The following FANCA variants were observed in gnomAD, a reference collection of about 807,000 sequenced individuals.
FANCA encodes FA complementation group A, also known as Fanconi anemia group A protein.
FANCA carries 236 observed loss-of-function variants against 194.3 expected under a neutral mutation model. The observed-to-expected ratio is 1.21, with a 90% CI of 1.09 to 1.35. The LOEUF (loss-of-function observed/expected upper bound fraction) is 1.35. Ranked by LOEUF, FANCA falls within the 40% of genes most tolerant of loss-of-function variation. The probability of loss-of-function intolerance (pLI) is 0.00; values close to 1 mark genes in which losing one functional copy is unlikely to be tolerated. For synonymous variants in FANCA, 1,014 were observed against 715.8 expected (o/e 1.42, Z -6.65); for missense variants, 2,628 against 1,813.9 (o/e 1.45, Z -8.15).
chr16:89,755,191 G>C (rs2038727023), intron 30 of FANCA, among the ~76,000 whole-genome samples: 1 of 151,942 alleles, frequency 6.6e-6, no homozygotes, highest in African/African-American at 2.4e-5. Context: ...ACAGAATAAA[G>C]CTGGATGACC....
rs2039737175 is a variant in FANCA, at chr16:89,782,168, G to A, written c.1626+691C>T. 2.0e-5 allele frequency among the ~76,000 whole-genome samples: 3 copies of A among 151,360 alleles called. No homozygotes were observed. In the South Asian group the frequency reaches 6.2e-4, roughly 32 times the overall value. On this transcript the variant is annotated intron_variant, in intron 17 of 42. Coordinates refer to ENST00000389301, the MANE Select transcript of FANCA (RefSeq NM_000135.4). ...AGGCGGGCAGATCACGAGGTCAAGAGATCGAGATCATCCTGGCTAACACGG... is the reference window on the plus strand; with the variant it reads ...AGGCGGGCAGATCACGAGGTCAAGAAATCGAGATCATCCTGGCTAACACGG...
chr16:89,804,879 A>G (rs924924380), intron 7 of FANCA, among the ~76,000 whole-genome samples: 6 of 151,248 alleles, frequency 4.0e-5, no homozygotes, highest in Middle Eastern at 3.4e-3. Context: ...TAAAAATACA[A>G]AAAAAAAATT....
At chr16:89,758,397 G>T (rs1246117934) in intron 30 of FANCA, among the ~76,000 whole-genome samples, 180 bp downstream of exon 30, 1 of 152,178 alleles carries the variant, frequency 6.6e-6, no homozygotes, top group Non-Finnish European at 1.5e-5. Flanking sequence ...GCAAAGCATT[G>T]ATCCTGAGTG....
chr16:89,807,670 G>A (rs975132557), intron 6 of FANCA, among the ~76,000 whole-genome samples: 6 of 150,912 alleles, frequency 4.0e-5, no homozygotes, highest in Non-Finnish European at 8.9e-5. Flanking sequence ...AGATCCTGAA[G>A]TCAGGAGATG....
At chr16:89,752,542 T>G (rs1468289139) in intron 30 of FANCA, among the ~76,000 whole-genome samples, 1 of 152,248 alleles carries the variant, frequency 6.6e-6, no homozygotes, top group Non-Finnish European at 1.5e-5. Flanking sequence ...AGAATAGTTA[T>G]ACCAGATATA....
Position 89,748,640 on chromosome 16 carries a change from G to T in FANCA, c.3348+19C>A. 1 of 1,591,288 alleles carries T rather than the reference G, an allele frequency of 6.3e-7. No individual in the cohort carries two copies. The highest frequency in any genetic ancestry group is 8.6e-7 in the Non-Finnish European group (1 of 1,159,450). ...AGGCACTGACAGATCGGACGGACAC[G>T]TGCACACGGGGCACCTACCATCTCA... On this transcript the variant is annotated intron_variant, in intron 33 of 42. Transcript: ENST00000389301.
At chr16:89,796,697 G>C (rs140628310) in intron 10 of FANCA, among the ~76,000 whole-genome samples, 1 of 152,182 alleles carries the variant, frequency 6.6e-6, no homozygotes, top group African/African-American at 2.4e-5. Context: ...CAACCAGCAA[G>C]CGGCACTTTA....
chr16:89,794,162 T>C (rs1436154705), intron 11 of FANCA, among the ~76,000 whole-genome samples: 3 of 152,240 alleles, frequency 2.0e-5, no homozygotes, highest in African/African-American at 7.2e-5. Flanking sequence ...TCATCAATTC[T>C]GTTTCTCAGG....
intron 36 of FANCA, 36 bp from the exon 37 acceptor site, chr16:89,742,974 A>T: frequency 1.2e-6 from 2 of 1,600,014 alleles, no homozygotes; most frequent in Non-Finnish European, 1.7e-6. Flanking sequence ...GCAGGGCCTT[A>T]CAACCATACA....
chr16:89,807,750 G>T (rs939983399), intron 6 of FANCA, among the ~76,000 whole-genome samples: 1 of 152,130 alleles, frequency 6.6e-6, no homozygotes, highest in Non-Finnish European at 1.5e-5. Flanking sequence ...AGGCGTGGTG[G>T]CGGACGCCTG....
intron 26 of FANCA, among the ~76,000 whole-genome samples, chr16:89,769,469 C>G (rs2039246164): frequency 6.6e-6 from 1 of 152,208 alleles, no homozygotes; most frequent in Admixed American, 6.5e-5. Flanking sequence ...AGCTACTCAC[C>G]ATGGGGTGCC....
chr16:89,792,901 G>T (rs1002050847), intron 11 of FANCA, among the ~76,000 whole-genome samples: 3 of 152,170 alleles, frequency 2.0e-5, no homozygotes, highest in Non-Finnish European at 4.4e-5. Flanking sequence ...GGCAGAGAGG[G>T]AGAGGAGATA....
At chr16:89,787,811 C>A (rs1046515379) in intron 14 of FANCA, among the ~76,000 whole-genome samples, 1 of 151,968 alleles carries the variant, frequency 6.6e-6, no homozygotes, top group Non-Finnish European at 1.5e-5. Context: ...ATATTAATTA[C>A]CCCAAAGGGC....
intron 32 of FANCA, among the ~76,000 whole-genome samples, chr16:89,749,235 CAG>C (rs1205544608): frequency 2.0e-5 from 3 of 152,300 alleles, no homozygotes; most frequent in East Asian, 1.9e-4. Flanking sequence ...GTTGTTGAGA[CAG>C]AGTCTCGCTC....
In FANCA at chr16:89,738,643, A is replaced by G. The variant is rs1555532716; in HGVS notation, c.4326T>C (p.Ala1442=). The G allele has an allele frequency of 3.7e-6, 6 of 1,613,678 alleles. No individual in the cohort carries two copies. Among genetic ancestry groups the G allele is most frequent in the Non-Finnish European group, 5.1e-6 (6 of 1,180,036 alleles). ...CCTGGGACAGGTCAGCGTCAGGGGC[A>G]GCCTGCTGTCTGCTCTGGAGGGCGG... ...VSAALQSRQQ[A]APDADLSQEP... Residue 1442 remains alanine (A), a synonymous_variant, in exon 43 of 43, where the codon GCT becomes GCC. Coordinates refer to ENST00000389301, the MANE Select transcript of FANCA (RefSeq NM_000135.4).
At chr16:89,740,240 A>G in intron 38 of FANCA, 141 bp from the exon 39 acceptor site, 1 of 773,582 alleles carries the variant, frequency 1.3e-6, no homozygotes, top group East Asian at 2.5e-5. Context: ...TTACCTATAG[A>G]AGGTAATACT....
chr16:89,778,658 G>GAAACAAACAAATTT, intron 20 of FANCA, 143 bp downstream of exon 20: 1 of 132,034 alleles, frequency 7.6e-6, no homozygotes, highest in East Asian at 2.5e-4. Context: ...AAAAAAAAAA[G>GAAACAAACAAATTT]TAACCAACCA....
At chr16:89,796,930 G>A (rs1483523858) in intron 10 of FANCA, among the ~76,000 whole-genome samples, 1 of 152,070 alleles carries the variant, frequency 6.6e-6, no homozygotes, top group Non-Finnish European at 1.5e-5. Flanking sequence ...AGGCCAAGGG[G>A]GGCAGATGAC....
intron 8 of FANCA, among the ~76,000 whole-genome samples, chr16:89,801,436 T>C (rs1402268934): frequency 3.3e-5 from 5 of 151,824 alleles, no homozygotes; most frequent in African/African-American, 1.2e-4. Context: ...GTTAGAATTA[T>C]CATTATCAAG....
Sources: allele counts gnomAD v4.1 joint callset (sites outside exome capture counted in the v4.1 genomes callset), GRCh38; gene constraint gnomAD v4.1.1; transcripts MANE v1.5; gene names NCBI Gene and HGNC (gene_info 2026-07-23, HGNC 2026-07-21).